CDK18: variants seen among roughly 807,000 people sequenced by gnomAD.
The protein encoded by CDK18 is cyclin dependent kinase 18.
CDK18 carries 52 observed loss-of-function variants against 62.0 expected under a neutral mutation model. The ratio of observed to expected loss-of-function variants is 0.84; its 90% CI spans 0.67 to 1.06. The LOEUF (loss-of-function observed/expected upper bound fraction) is 1.06. Among genes scored for constraint, CDK18 ranks in the 50% least tolerant of loss-of-function variants. CDK18 has a pLI of 0.00. For synonymous variants in CDK18, 237 were observed against 247.0 expected, an observed-to-expected ratio of 0.96 and a Z score of 0.38; for missense variants, 604 against 619.9, an observed-to-expected ratio of 0.97 and a Z score of 0.27.
chr1:205,519,993 C>T (rs541936155), intron 1 of CDK18, among the ~76,000 whole-genome samples: 1 of 152,256 alleles, frequency 6.6e-6, no homozygotes, highest in South Asian at 2.1e-4. Context: ...TCCCTCCTGG[C>T]AGAGCTCAGA....
intron 13 of CDK18, 35 bp from the exon 14 acceptor site, chr1:205,530,224 A>T: frequency 6.2e-7 from 1 of 1,607,646 alleles, no homozygotes; most frequent in Non-Finnish European, 8.5e-7. Context: ...GCAGCCCCCC[A>T]GCCGGGCCCA....
chr1:205,529,106 C>A lies in CDK18; in HGVS notation c.1072+10C>A. On this transcript the variant is annotated intron_variant, in intron 11 of 15. Transcript: ENST00000429964. ...ATCTTTCGCCTCCTCGGTCAGTCTCCCGCTGCTCCGTCCCTCTCACCACCA... is the reference window on the plus strand; with the variant it reads ...ATCTTTCGCCTCCTCGGTCAGTCTCACGCTGCTCCGTCCCTCTCACCACCA... 7.0e-6 allele frequency: 11 copies of A among 1,563,030 alleles called. No homozygotes were observed. Among genetic ancestry groups the A allele is most frequent in the Non-Finnish European group, 8.7e-6 (10 of 1,151,828 alleles).
intron 1 of CDK18, among the ~76,000 whole-genome samples, chr1:205,514,237 G>A (rs567115241): frequency 6.6e-6 from 1 of 152,238 alleles, no homozygotes; most frequent in Non-Finnish European, 1.5e-5. Flanking sequence ...TTTCGGGCTA[G>A]AGGAGATGCA....
At chr1:205,525,728 TAG>T (rs1668389559) in intron 5 of CDK18, among the ~76,000 whole-genome samples, 1 of 152,128 alleles carries the variant, frequency 6.6e-6, no homozygotes, top group African/African-American at 2.4e-5. Flanking sequence ...TGAAGGTTTA[TAG>T]AGAGAGGGAA....
rs1337603959 is a variant in CDK18, at chr1:205,527,663, G to A, written c.730-131G>A. On this transcript the variant is annotated intron_variant, in intron 8 of 15. Transcript: ENST00000429964. This position sits in a 1 kb window ranked among gnomAD's most constrained non-coding sequence, Gnocchi z 4.1. ...GTGGGTGGGGTCCAGGATGGGGGCT[G>A]CAGGGTGTGCAGGAGAATGAGGGGC... 6.0e-6 allele frequency: 5 copies of A among 839,406 alleles called. No individual in the cohort carries two copies. The highest frequency in any genetic ancestry group is 7.8e-6 in the Non-Finnish European group (4 of 516,026). The allele number at this position is 839,406 out of a possible 1,614,324, so 52.0% of individuals were successfully genotyped here.
rs73074303 is a variant in CDK18, at chr1:205,514,448, G to A, written c.-21-8699G>A. Among the ~76,000 whole-genome samples the A allele has an allele frequency of 8.7e-3, 1,324 of 152,274 alleles. 25 individuals carry two copies. The highest frequency in any genetic ancestry group is 0.03 in the African/African-American group (1,246 of 41,562). ...TGTGCCCAGAAAGAGGACAGGGCCAGGCCCACCCCAATCATGCTCAAGTCT... is the reference window on the plus strand; with the variant it reads ...TGTGCCCAGAAAGAGGACAGGGCCAAGCCCACCCCAATCATGCTCAAGTCT... On this transcript the variant is annotated intron_variant, in intron 1 of 15. Transcript: ENST00000429964.
chr1:205,528,339 A>G lies in CDK18; in HGVS notation c.974+171A>G, dbSNP rs74142374. On this transcript the variant is annotated intron_variant, in intron 10 of 15. Coordinates refer to ENST00000429964, the MANE Select transcript of CDK18 (RefSeq NM_212502.3). The surrounding 1 kb of genome is among the most constrained non-coding windows in gnomAD (Gnocchi z 4.2). ...TAAAAAATTAGGTCTGAAATATAATAGGTTAGGGTTTCCCTGGCTTAAATA... is the reference window on the plus strand; with the variant it reads ...TAAAAAATTAGGTCTGAAATATAATGGGTTAGGGTTTCCCTGGCTTAAATA... 0.1 allele frequency among the ~76,000 whole-genome samples: 15,310 copies of G among 151,996 alleles called. 1,383 individuals carry two copies. Among genetic ancestry groups the G allele is most frequent in the African/African-American group, 0.24 (9,892 of 41,396 alleles).
chr1:205,527,473 TGACTCTAAAA>T lies in CDK18; in HGVS notation c.730-318_730-309del, dbSNP rs1425344639. ...CAGCCTGGGTGACAGAGTAAAACCC[TGACTCTAAAA>T]GAAAAAAAAAAAAAAAAGGGATCAA... is the stretch of plus-strand genomic sequence containing the variant. On this transcript the variant is annotated intron_variant, in intron 8 of 15. Coordinates refer to ENST00000429964, the MANE Select transcript of CDK18 (RefSeq NM_212502.3). The surrounding 1 kb of genome is among the most constrained non-coding windows in gnomAD (Gnocchi z 4.1). 4.3e-5 allele frequency: 11 copies of T among 253,720 alleles called. No individual in the cohort carries two copies. The highest frequency in any genetic ancestry group is 2.3e-4 in the African/African-American group (9 of 39,292). The allele number at this position is 253,720 out of a possible 1,614,324, so 15.7% of individuals were successfully genotyped here. A position where few individuals can be genotyped will look rare whatever the true frequency, so the allele number is the denominator to read the frequency against.
chr1:205,514,411 G>A (rs1667719634), intron 1 of CDK18, among the ~76,000 whole-genome samples: 1 of 152,100 alleles, frequency 6.6e-6, no homozygotes, highest in Non-Finnish European at 1.5e-5. Flanking sequence ...GGACAGTCTA[G>A]GCTTACTCTA....
Position 205,529,208 on chromosome 1 carries a change from G to T in CDK18, c.1072+112G>T, listed in dbSNP as rs1166736506. ...GGCTCGGCCGCCTCTCTCCCGGGCG[G>T]GGACCCCCTGTGGCCTCGGCCATCT... On this transcript the variant is annotated intron_variant, in intron 11 of 15. Coordinates refer to ENST00000429964, the MANE Select transcript of CDK18 (RefSeq NM_212502.3). 3.7e-6 allele frequency: 5 copies of T among 1,344,432 alleles called. No individual in the cohort carries two copies. The African/African-American group carries it at 7.3e-5, about 20-fold the overall frequency. 83.3% of individuals were successfully genotyped at this position (1,344,432 alleles called of 1,614,324 possible). A position where few individuals can be genotyped will look rare whatever the true frequency, so the allele number is the denominator to read the frequency against.
At chr1:205,507,643 A>T (rs1667374941) in intron 1 of CDK18, among the ~76,000 whole-genome samples, 2 of 150,860 alleles carry the variant, frequency 1.3e-5, no homozygotes, top group Middle Eastern at 3.4e-3. Context: ...CAAAAAAAAA[A>T]AAAAAAAAAA....
intron 1 of CDK18, among the ~76,000 whole-genome samples, chr1:205,506,663 C>T (rs981945850): frequency 2.0e-5 from 3 of 152,212 alleles, no homozygotes; most frequent in Non-Finnish European, 2.9e-5. Flanking sequence ...AGCCCACTTC[C>T]GTCTGACCCC....
chr1:205,528,016 G>A lies in CDK18; in HGVS notation c.854-32G>A. The A allele has an allele frequency of 6.2e-7, 1 of 1,614,012 alleles. No individual in the cohort carries two copies. The highest frequency in any genetic ancestry group is 8.5e-7 in the Non-Finnish European group (1 of 1,179,906). ...TAGCAGTCAACCCCACAGCACCTGT[G>A]GACAGAGGTCCAGTGACATGTCTGC... On this transcript the variant is annotated intron_variant, in intron 9 of 15. Coordinates refer to ENST00000429964, the MANE Select transcript of CDK18 (RefSeq NM_212502.3). This position sits in a 1 kb window ranked among gnomAD's most constrained non-coding sequence, Gnocchi z 4.2.
chr1:205,526,475 T>G lies in CDK18; in HGVS notation c.666+14T>G. On this transcript the variant is annotated intron_variant, in intron 7 of 15. Coordinates refer to ENST00000429964, the MANE Select transcript of CDK18 (RefSeq NM_212502.3). ...TTTGAGTACCTGGTGAGAGTCCGGC[T>G]GGGGCTGGCCGCCTCTCCCTCTTGT... 6.3e-7 allele frequency: 1 copy of G among 1,599,962 alleles called. No individual in the cohort carries two copies. The highest frequency in any genetic ancestry group is 1.7e-4 in the Middle Eastern group (1 of 6,026).
intron 1 of CDK18, among the ~76,000 whole-genome samples, chr1:205,515,942 G>C (rs573948567): frequency 6.6e-6 from 1 of 152,174 alleles, no homozygotes; most frequent in African/African-American, 2.4e-5. Flanking sequence ...GTGACTGCAG[G>C]CCTGGCTATC....
intron 3 of CDK18, 107 bp downstream of exon 3, chr1:205,523,732 C>T (rs757471721): frequency 5.1e-6 from 7 of 1,372,188 alleles, no homozygotes; most frequent in South Asian, 2.9e-5. Context: ...TCAAATTCCA[C>T]CTCTGCCATT....
chr1:205,523,488 C>A lies in CDK18; in HGVS notation c.136C>A (p.Gln46Lys). 1 of 1,602,080 alleles carries A rather than the reference C, an allele frequency of 6.2e-7. No homozygotes were observed. The highest frequency in any genetic ancestry group is 8.5e-7 in the Non-Finnish European group (1 of 1,174,950). Residue 46 changes from glutamine (Q) to lysine (K), a missense_variant, in exon 3 of 16, where the codon CAG (glutamine) becomes AAG (lysine). Coordinates refer to ENST00000429964, the MANE Select transcript of CDK18 (RefSeq NM_212502.3). ...CTGACGCCTGTCCCTCTTAGACTTG[C>A]AGCTCGGTCCTCTTGGCAGAGACCC... The part of the protein sequence containing the change: ...QLHNRRNENL[Q>K]LGPLGRDPPQ...
chr1:205,526,250 T>G, intron 6 of CDK18, 71 bp downstream of exon 6: 1 of 1,501,782 alleles, frequency 6.7e-7, no homozygotes, highest in Non-Finnish European at 9.3e-7. Context: ...TGCACCCTTG[T>G]GGGAGCTGGG....
In CDK18 at chr1:205,517,629, C is replaced by T. The variant is rs1442476170; in HGVS notation, c.-21-5518C>T. The stretch of plus-strand genomic sequence containing the variant: ...CTATCTCTCCACTCCGGCTGCTTGG[C>T]GAAAACCCTGCTGCAGAGTCATGCT... On this transcript the variant is annotated intron_variant, in intron 1 of 15. Transcript: ENST00000429964. The surrounding 1 kb of genome is among the most constrained non-coding windows in gnomAD (Gnocchi z 4.1). Among the ~76,000 whole-genome samples the T allele has an allele frequency of 2.0e-5, 3 of 152,072 alleles. No individual in the cohort carries two copies. Among genetic ancestry groups the T allele is most frequent in the Admixed American group, 6.6e-5 (1 of 15,260 alleles).
Sources: allele counts gnomAD v4.1 joint callset (sites outside exome capture counted in the v4.1 genomes callset), GRCh38; gene constraint gnomAD v4.1.1; non-coding constraint Gnocchi (gnomAD v3.1); transcripts MANE v1.5; gene names NCBI Gene and HGNC (gene_info 2026-07-23, HGNC 2026-07-21).